RYK: variants seen among roughly 807,000 people sequenced by gnomAD.
RYK encodes the protein receptor like tyrosine kinase, also known as inactive tyrosine-protein kinase RYK.
A neutral mutation model predicts 70.2 loss-of-function variants in RYK; 21 were observed. The ratio of observed to expected loss-of-function variants is 0.30; its 90% confidence interval spans 0.21 to 0.43. The LOEUF (loss-of-function observed/expected upper bound fraction) is 0.43, where lower values mean the gene tolerates loss of function less well. Among genes scored for constraint, RYK ranks in the 20% least tolerant of loss-of-function variants. The pLI is 1.00. For synonymous variants in RYK, 267 were observed against 278.0 expected, an observed-to-expected ratio of 0.96 and a Z score of 0.39; for missense variants, 604 against 753.3, an observed-to-expected ratio of 0.80 and a Z score of 2.32.
At chr3:134,233,535 A>C (rs2015120453) in intron 1 of RYK, among the ~76,000 whole-genome samples, 1 of 152,220 alleles carries the variant, frequency 6.6e-6, no homozygotes, top group South Asian at 2.1e-4. Context: ...TAAAAATTAA[A>C]ACTGAAGAAA....
chr3:134,231,913 CT>C (rs1388135872), intron 1 of RYK, among the ~76,000 whole-genome samples: 1 of 152,182 alleles, frequency 6.6e-6, no homozygotes, highest in Admixed American at 6.5e-5. Flanking sequence ...TCTTCTATGT[CT>C]CATTAGGGCA....
At chr3:134,216,106 C>A (rs970622666) in intron 2 of RYK, among the ~76,000 whole-genome samples, 10 of 150,998 alleles carry the variant, frequency 6.6e-5, no homozygotes, top group Non-Finnish European at 1.2e-4. Flanking sequence ...CCAAAAATAT[C>A]AACATTTGAA....
chr3:134,250,566 A>AGCAGCGGCG lies in RYK; in HGVS notation c.80_88dup (p.Pro27_Leu29dup). On this transcript the variant is annotated inframe_insertion, in exon 1 of 15. Transcript: ENST00000623711. ...CAGCGGCAACAGCGCAAGCAGAAGC[A>AGCAGCGGCG]GCAGCGGCGGCGGCGGCGGGGCCCT... is the stretch of plus-strand genomic sequence containing the variant. 9.2e-7 allele frequency: 1 copy of AGCAGCGGCG among 1,087,502 alleles called. No homozygotes were observed. The highest frequency in any genetic ancestry group is 1.1e-6 in the Non-Finnish European group (1 of 874,738). The allele number at this position is 1,087,502 out of a possible 1,614,324, so 67.4% of individuals were successfully genotyped here. A position where few individuals can be genotyped will look rare whatever the true frequency, so the allele number is the denominator to read the frequency against.
At chr3:134,240,128 TAATTTCTTA>T (rs2015284882) in intron 1 of RYK, among the ~76,000 whole-genome samples, 1 of 152,252 alleles carries the variant, frequency 6.6e-6, no homozygotes, top group African/African-American at 2.4e-5. Context: ...TATAAATTCT[TAATTTCTTA>T]ATAATGTGCA....
intron 1 of RYK, among the ~76,000 whole-genome samples, chr3:134,239,293 A>G (rs887944213): frequency 1.3e-5 from 2 of 152,078 alleles, no homozygotes; most frequent in Non-Finnish European, 2.9e-5. Context: ...GACCTCATCT[A>G]TACAAAAAAA....
At chr3:134,231,081 TGTAA>T (rs1228037888) in intron 1 of RYK, among the ~76,000 whole-genome samples, 4 of 151,548 alleles carry the variant, frequency 2.6e-5, no homozygotes, top group Non-Finnish European at 4.4e-5. Context: ...AAAAATAATA[TGTAA>T]GTAAGTTTTC....
chr3:134,213,310 GT>G (rs2014457023), intron 2 of RYK, among the ~76,000 whole-genome samples: 1 of 152,158 alleles, frequency 6.6e-6, no homozygotes, highest in Non-Finnish European at 1.5e-5. Context: ...ACTTCTCTGA[GT>G]TTCCATATTT....
At chr3:134,208,931 C>G (rs1435705680) in intron 4 of RYK, among the ~76,000 whole-genome samples, 2 of 152,054 alleles carry the variant, frequency 1.3e-5, no homozygotes, top group Non-Finnish European at 2.9e-5. Context: ...TATTTCCCCC[C>G]CCCATCTTAG....
In RYK at chr3:134,157,502, A is replaced by G. The variant is rs2012285394; in HGVS notation, c.*651T>C. ...TGCTTTCCCAAAAACACGAAAGCAG[A>G]ATTCCTTTTCACTGAAAAAAATAAA... On this transcript the variant is annotated 3_prime_UTR_variant, in exon 15 of 15. Coordinates refer to ENST00000623711, the MANE Select transcript of RYK (RefSeq NM_002958.4). 6.6e-6 allele frequency: 1 copy of G among 152,252 alleles called. No individual in the cohort carries two copies. Among genetic ancestry groups the G allele is most frequent in the Admixed American group, 6.5e-5 (1 of 15,284 alleles). 9.4% of individuals were successfully genotyped at this position (152,252 alleles called of 1,614,324 possible). A position where few individuals can be genotyped will look rare whatever the true frequency, so the allele number is the denominator to read the frequency against.
At chr3:134,171,286 A>C (rs1460402804) in intron 13 of RYK, among the ~76,000 whole-genome samples, 1 of 152,208 alleles carries the variant, frequency 6.6e-6, no homozygotes, top group Non-Finnish European at 1.5e-5. Flanking sequence ...ATAACCATAA[A>C]AATAACTATT....
Position 134,223,606 on chromosome 3 carries a change from T to TAA in RYK, c.233-1069_233-1068dup, listed in dbSNP as rs201690262. 3.2e-3 allele frequency among the ~76,000 whole-genome samples: 418 copies of TAA among 132,492 alleles called. 1 individual carries two copies. Among genetic ancestry groups the TAA allele is most frequent in the African/African-American group, 0.01 (379 of 36,210 alleles). The allele number at this position is 132,492 out of a possible 152,430, so 86.9% of individuals were successfully genotyped here. On this transcript the variant is annotated intron_variant, in intron 1 of 14. Coordinates refer to ENST00000623711, the MANE Select transcript of RYK (RefSeq NM_002958.4). ...GGTATAATCAAGTGTTTGAGAAATGTAAAAAAAAAAAAAAAAATCACACAG... is the reference window on the plus strand; with the variant it reads ...GGTATAATCAAGTGTTTGAGAAATGTAAAAAAAAAAAAAAAAAAATCACACAG...
intron 10 of RYK, among the ~76,000 whole-genome samples, chr3:134,182,656 C>A (rs908911554): frequency 6.6e-6 from 1 of 152,000 alleles, no homozygotes; most frequent in Non-Finnish European, 1.5e-5. Flanking sequence ...CCTATACGTT[C>A]AAAAATCTCA....
At chr3:134,165,612 G>A (rs371507460) in intron 13 of RYK, among the ~76,000 whole-genome samples, 1 of 152,162 alleles carries the variant, frequency 6.6e-6, no homozygotes, top group East Asian at 1.9e-4. Context: ...CTGGGGTGGG[G>A]CTCTGGCAAA....
rs2014250198 is a variant in RYK at position 134,207,482 on chromosome 3, G to T, written c.633C>A (p.Ser211Arg). 3.3e-6 allele frequency: 5 copies of T among 1,537,126 alleles called. No individual in the cohort carries two copies. Among genetic ancestry groups the T allele is most frequent in the African/African-American group, 1.4e-5 (1 of 72,672 alleles). Residue 211 changes from serine to arginine, a missense_variant, in exon 5 of 15, where the codon AGC (serine) becomes AGA (arginine). By Grantham distance (110) the Ser-to-Arg change is moderately radical (BLOSUM62 -1). Coordinates refer to ENST00000623711, the MANE Select transcript of RYK (RefSeq NM_002958.4). ...TACAGTAACACTTACAAATAGTTCT[G>T]CTAGTGTTTTTGTCCAAGGCTGAAG... ...VKTSALDKNTSRTIYDPVHAA... is the reference protein window; with the variant it reads ...VKTSALDKNTRRTIYDPVHAA...
intron 9 of RYK, chr3:134,183,409 A>C (rs2013362979): frequency 6.4e-6 from 1 of 157,398 alleles, no homozygotes; most frequent in African/African-American, 2.4e-5. Context: ...AATAAGAAAA[A>C]GAGGCAGAGG....
At chr3:134,239,229 G>A (rs2107694721) in intron 1 of RYK, among the ~76,000 whole-genome samples, 1 of 152,284 alleles carries the variant, frequency 6.6e-6, no homozygotes, top group East Asian at 1.9e-4. Context: ...GGAGGCCAAG[G>A]TGGGAGGATC....
At chr3:134,200,492 G>A (rs2013979400) in intron 6 of RYK, among the ~76,000 whole-genome samples, 1 of 152,120 alleles carries the variant, frequency 6.6e-6, no homozygotes. Context: ...CTCACCGCGA[G>A]AGTCCGCGGC....
intron 1 of RYK, among the ~76,000 whole-genome samples, chr3:134,223,017 C>T (rs989321520): frequency 1.3e-5 from 2 of 152,218 alleles, no homozygotes; most frequent in Non-Finnish European, 2.9e-5. Flanking sequence ...CCTCCTCTGA[C>T]AACACAAGGT....
chr3:134,249,929 T>TTGTTTTTTG lies in RYK; in HGVS notation c.232+493_232+494insCAAAAAACA, dbSNP rs1328804315. Among the ~76,000 whole-genome samples the TTGTTTTTTG allele has an allele frequency of 9.4e-4, 139 of 147,630 alleles. 2 individuals carry two copies. Among genetic ancestry groups the TTGTTTTTTG allele is most frequent in the African/African-American group, 3.5e-3 (135 of 38,938 alleles). On this transcript the variant is annotated intron_variant, in intron 1 of 14. Transcript: ENST00000623711. ...TTCTTTCTCTCTCGTTTTTTTTTTTTTTTTTTTTTTTTTTGTAAAAGGGTA... is the reference window on the plus strand; with the variant it reads ...TTCTTTCTCTCTCGTTTTTTTTTTTTTGTTTTTTGTTTTTTTTTTTTTTGTAAAAGGGTA...
Sources: allele counts gnomAD v4.1 joint callset (sites outside exome capture counted in the v4.1 genomes callset), GRCh38; gene constraint gnomAD v4.1.1; transcripts MANE v1.5; gene names NCBI Gene and HGNC (gene_info 2026-07-23, HGNC 2026-07-21).